PLEKHB1: variants seen among roughly 807,000 people sequenced by gnomAD.
PLEKHB1 encodes the protein pleckstrin homology domain-containing family B member 1.
In PLEKHB1, 29 loss-of-function variants were observed where a neutral mutation model predicts 36.2. That is an observed-to-expected ratio of 0.80 (90% confidence interval 0.60 to 1.09). The LOEUF is 1.09. Ranked by LOEUF, PLEKHB1 falls within the 50% of genes least tolerant of loss-of-function variation. The probability of loss-of-function intolerance (pLI) is 0.00; values close to 1 mark genes in which losing one functional copy is unlikely to be tolerated. For missense variants in PLEKHB1, 330 were observed against 348.2 expected, an observed-to-expected ratio of 0.95 and a Z score of 0.42; for synonymous variants, 138 against 140.0, an observed-to-expected ratio of 0.99 and a Z score of 0.10.
chr11:73,646,813 TGATA>T (rs1169550155), intron 1 of PLEKHB1, among the ~76,000 whole-genome samples, 187 bp downstream of exon 1: 4 of 152,042 alleles, frequency 2.6e-5, no homozygotes, highest in Non-Finnish European at 5.9e-5. Context: ...CAGTCCGAGG[TGATA>T]GATACAGAAA....
chr11:73,660,573 C>T (rs1361339139), intron 6 of PLEKHB1, 180 bp from the exon 7 acceptor site: 3 of 614,974 alleles, frequency 4.9e-6, no homozygotes, highest in East Asian at 5.6e-5. Context: ...TTTAGAGGAC[C>T]GTGGACCTTG....
At chr11:73,660,623 C>CT in intron 6 of PLEKHB1, 130 bp from the exon 7 acceptor site, 1 of 813,234 alleles carries the variant, frequency 1.2e-6, no homozygotes, top group Admixed American at 2.4e-5. Flanking sequence ...TTGCTAGTGG[C>CT]TGGAGGCCCA....
In PLEKHB1 at chr11:73,662,387, T is replaced by A. The variant is rs1417593242; in HGVS notation, c.*785T>A. The A allele has an allele frequency of 6.6e-6, 1 of 152,274 alleles. No homozygotes were observed. Among genetic ancestry groups the A allele is most frequent in the Non-Finnish European group, 1.5e-5 (1 of 68,064 alleles). 9.4% of individuals were successfully genotyped at this position (152,274 alleles called of 1,614,324 possible). On this transcript the variant is annotated 3_prime_UTR_variant, in exon 8 of 8. Coordinates refer to ENST00000354190, the MANE Select transcript of PLEKHB1 (RefSeq NM_021200.3). ...TCCTGGCTGGTACCCATGATAACAATTGAGCTGAACCTGGGGACCCCTGGT... is the reference window on the plus strand; with the variant it reads ...TCCTGGCTGGTACCCATGATAACAAATGAGCTGAACCTGGGGACCCCTGGT...
Position 73,660,747 on chromosome 11 carries a change from C to A in PLEKHB1, c.496-6C>A, listed in dbSNP as rs780396279. 2.0e-5 allele frequency: 31 copies of A among 1,581,694 alleles called. No individual in the cohort carries two copies. Among genetic ancestry groups the A allele is most frequent in the Non-Finnish European group, 2.7e-5 (31 of 1,165,388 alleles). The stretch of plus-strand genomic sequence containing the variant: ...CCTGGGCACCTGACATGGTTGGATT[C>A]CCCAGGTGCGCGTCTACAGCCCGTA... On this transcript the variant is annotated splice_polypyrimidine_tract_variant and splice_region_variant and intron_variant, in intron 6 of 7. Transcript: ENST00000354190.
chr11:73,647,042 C>T (rs1944782799), intron 1 of PLEKHB1, among the ~76,000 whole-genome samples: 3 of 152,162 alleles, frequency 2.0e-5, no homozygotes, highest in Non-Finnish European at 2.9e-5. Flanking sequence ...CTGACACTCC[C>T]GATGCCCTCC....
At chr11:73,652,011 G>A (rs1565329560) in intron 4 of PLEKHB1, 121 bp downstream of exon 4, 3 of 851,902 alleles carry the variant, frequency 3.5e-6, no homozygotes, top group East Asian at 5.3e-5. Context: ...AGTCAGCAAG[G>A]GAGTCTTATT....
rs898872345 is a variant in PLEKHB1, at chr11:73,658,662, G to T, written c.496-2091G>T. Among the ~76,000 whole-genome samples the T allele has an allele frequency of 1.4e-4, 21 of 152,058 alleles. 1 individual carries two copies. Among genetic ancestry groups the T allele is most frequent in the Non-Finnish European group, 4.4e-5 (3 of 68,026 alleles). On this transcript the variant is annotated intron_variant, in intron 6 of 7. Transcript: ENST00000354190. The stretch of plus-strand genomic sequence containing the variant: ...GACAGGATCTCCCTCTGTTGCCCAG[G>T]CTGGAGTGCAGTGGTGCAAACACTG...
At position 73,657,050 on chromosome 11, in the gene PLEKHB1, G is replaced by A. The variant is rs191455697; in HGVS notation, c.495+1143G>A. 4.0e-3 allele frequency among the ~76,000 whole-genome samples: 602 copies of A among 152,274 alleles called. 3 individuals carry two copies. Among genetic ancestry groups the A allele is most frequent in the Non-Finnish European group, 3.6e-3 (245 of 68,022 alleles). ...AGATACTCAGGAGGCTGAGGCAGGA[G>A]AATGGCTTGAACTCAGGAGGCGGAC... On this transcript the variant is annotated intron_variant, in intron 6 of 7. Transcript: ENST00000354190.
chr11:73,650,021 G>A (rs995221407), intron 2 of PLEKHB1, among the ~76,000 whole-genome samples: 3 of 152,004 alleles, frequency 2.0e-5, no homozygotes, highest in African/African-American at 7.2e-5. Flanking sequence ...AGACAACATG[G>A]TGAGACCCAC....
At chr11:73,655,948 C>T (rs1045131568) in intron 6 of PLEKHB1, 41 bp downstream of exon 6, 5 of 1,547,614 alleles carry the variant, frequency 3.2e-6, no homozygotes, top group Non-Finnish European at 3.6e-6. Context: ...ATACTGGCCA[C>T]CAGGATGAGC....
At position 73,661,912 on chromosome 11, in the gene PLEKHB1, C is replaced by T; in HGVS notation, c.*310C>T. 1 of 319,980 alleles carries T rather than the reference C, an allele frequency of 3.1e-6. No homozygotes were observed. Among genetic ancestry groups the T allele is most frequent in the Non-Finnish European group, 5.8e-6 (1 of 172,360 alleles). The allele number at this position is 319,980 out of a possible 1,614,324, so 19.8% of individuals were successfully genotyped here. A position where few individuals can be genotyped will look rare whatever the true frequency, so the allele number is the denominator to read the frequency against. ...GCACAGCAAATACGACTTCATTTGGCTTCGAGTTCCCCAGGCGCTGTAGAC... is the reference window on the plus strand; with the variant it reads ...GCACAGCAAATACGACTTCATTTGGTTTCGAGTTCCCCAGGCGCTGTAGAC... On this transcript the variant is annotated 3_prime_UTR_variant, in exon 8 of 8. Coordinates refer to ENST00000354190, the MANE Select transcript of PLEKHB1 (RefSeq NM_021200.3). The surrounding 1 kb of genome is among the most constrained non-coding windows in gnomAD (Gnocchi z 4.6).
Position 73,660,920 on chromosome 11 carries a change from G to C in PLEKHB1, c.595+68G>C, listed in dbSNP as rs961171285. 2.2e-5 allele frequency: 31 copies of C among 1,402,786 alleles called. No individual in the cohort carries two copies. In the African/African-American group the frequency reaches 3.0e-4, roughly 14 times the overall value. The allele number at this position is 1,402,786 out of a possible 1,614,324, so 86.9% of individuals were successfully genotyped here. ...CGATTCAGCGCCAGGCCCAGCCCAC[G>C]GTCCGTAAGTCCGGACCAGGCTTCA... On this transcript the variant is annotated intron_variant, in intron 7 of 7. Transcript: ENST00000354190.
chr11:73,659,642 GA>G (rs5792625), intron 6 of PLEKHB1, among the ~76,000 whole-genome samples: 78,169 of 151,126 alleles, frequency 0.52, 21,333 homozygotes, highest in Non-Finnish European at 0.61. Context: ...AGAATTCAGG[GA>G]AAAAAAAAAT....
At chr11:73,648,089 T>A in intron 1 of PLEKHB1, 1 of 594,096 alleles carries the variant, frequency 1.7e-6, no homozygotes. Context: ...GGGGACAAGG[T>A]GAGGGAGTAG....
At chr11:73,659,938 G>C (rs1447610869) in intron 6 of PLEKHB1, among the ~76,000 whole-genome samples, 1 of 152,162 alleles carries the variant, frequency 6.6e-6, no homozygotes, top group African/African-American at 2.4e-5. Context: ...TAACAATTTT[G>C]GGTCAATGAT....
At chr11:73,660,020 G>C (rs1945072209) in intron 6 of PLEKHB1, among the ~76,000 whole-genome samples, 1 of 152,182 alleles carries the variant, frequency 6.6e-6, no homozygotes, top group East Asian at 1.9e-4. Flanking sequence ...TAGTGATGTT[G>C]TAGCCATGAT....
rs756964568 is a variant in PLEKHB1 at position 73,661,444 on chromosome 11, C to A, written c.596-22C>A. 8.7e-6 allele frequency: 14 copies of A among 1,613,438 alleles called. No homozygotes were observed. In the South Asian group the frequency reaches 1.5e-4, roughly 18 times the overall value. Reference sequence around the variant, plus strand: ...TACTCCCTCCTAAGTCGCTGATCCTCATGGGCTGTCTCCCTCTGCAGGCCC... The same window carrying A: ...TACTCCCTCCTAAGTCGCTGATCCTAATGGGCTGTCTCCCTCTGCAGGCCC... On this transcript the variant is annotated intron_variant, in intron 7 of 7. Transcript: ENST00000354190. This position sits in a 1 kb window ranked among gnomAD's most constrained non-coding sequence, Gnocchi z 4.6.
At chr11:73,655,631 G>A (rs1360167195) in intron 5 of PLEKHB1, among the ~76,000 whole-genome samples, 172 bp from the exon 6 acceptor site, 2 of 152,178 alleles carry the variant, frequency 1.3e-5, no homozygotes, top group African/African-American at 4.8e-5. Flanking sequence ...AGCATTCTCT[G>A]AGCCTCCCCC....
intron 3 of PLEKHB1, 50 bp downstream of exon 3, chr11:73,650,755 C>A: frequency 6.6e-7 from 1 of 1,510,296 alleles, no homozygotes; most frequent in East Asian, 2.4e-5. Context: ...GGCAGAGCCT[C>A]CCGCTGTCTC....
Sources: allele counts gnomAD v4.1 joint callset (sites outside exome capture counted in the v4.1 genomes callset), GRCh38; gene constraint gnomAD v4.1.1; non-coding constraint Gnocchi (gnomAD v3.1); transcripts MANE v1.5; gene names NCBI Gene and HGNC (gene_info 2026-07-23, HGNC 2026-07-21).